The following SLC44A5 variants were observed in gnomAD, a reference collection of about 807,000 sequenced individuals.
SLC44A5 encodes the protein solute carrier family 44 member 5.
In SLC44A5, 57 loss-of-function variants were observed where a neutral mutation model predicts 101.8. That is an observed-to-expected ratio of 0.56 (90% CI 0.45 to 0.70). SLC44A5 has a LOEUF of 0.70. SLC44A5 is among the 30% of genes least tolerant of loss of function. The probability of loss-of-function intolerance (pLI) is 0.00; values close to 1 mark genes in which losing one functional copy is unlikely to be tolerated. For synonymous variants in SLC44A5, 281 were observed against 290.9 expected, an observed-to-expected ratio of 0.97 and a Z score of 0.35; for missense variants, 737 against 853.1, an observed-to-expected ratio of 0.86 and a Z score of 1.70.
At chr1:75,383,459 A>G (rs1570073312) in intron 3 of SLC44A5, among the ~76,000 whole-genome samples, 1 of 152,176 alleles carries the variant, frequency 6.6e-6, no homozygotes, top group Non-Finnish European at 1.5e-5. Context: ...CACCCCTACA[A>G]TGGAAGATGA....
At chr1:75,590,096 C>A (rs1332089430) in intron 1 of SLC44A5, among the ~76,000 whole-genome samples, 2 of 151,904 alleles carry the variant, frequency 1.3e-5, no homozygotes, top group African/African-American at 4.8e-5. Flanking sequence ...CTGGGGTAAC[C>A]AAGGGAGTGC....
intron 3 of SLC44A5, among the ~76,000 whole-genome samples, chr1:75,395,174 T>C (rs986929192): frequency 6.6e-6 from 1 of 152,098 alleles, no homozygotes; most frequent in Non-Finnish European, 1.5e-5. Flanking sequence ...GAGGGCTTTA[T>C]TTTAGGCCTA....
At chr1:75,598,280 T>G (rs773361107) in intron 1 of SLC44A5, among the ~76,000 whole-genome samples, 12 of 151,492 alleles carry the variant, frequency 7.9e-5, no homozygotes, top group Non-Finnish European at 1.3e-4. Flanking sequence ...AAAAAACAGA[T>G]GCTGGCAAGT....
At chr1:75,487,078 C>G (rs771541297) in intron 2 of SLC44A5, among the ~76,000 whole-genome samples, 3 of 152,108 alleles carry the variant, frequency 2.0e-5, no homozygotes, top group Non-Finnish European at 4.4e-5. Flanking sequence ...GTCTTGACAC[C>G]AGGATCATTC....
chr1:75,650,526 T>C, the SLC44A5 span, among the ~76,000 whole-genome samples: 1 of 152,214 alleles, frequency 6.6e-6, no homozygotes, highest in African/African-American at 2.4e-5. Context: ...TGGTGTAGAC[T>C]TCATCAATCT....
chr1:75,370,651 A>G (rs1004610553), intron 3 of SLC44A5, among the ~76,000 whole-genome samples: 9 of 152,212 alleles, frequency 5.9e-5, no homozygotes, highest in Admixed American at 3.9e-4. Context: ...TACTCAAAAC[A>G]TTCCACAAAA....
chr1:75,435,298 C>T (rs926543493), intron 2 of SLC44A5, among the ~76,000 whole-genome samples: 4 of 152,104 alleles, frequency 2.6e-5, no homozygotes, highest in African/African-American at 9.7e-5. Flanking sequence ...TACCTATTAA[C>T]TAAAATCTAC....
At chr1:75,407,889 C>T (rs1292911042) in intron 2 of SLC44A5, among the ~76,000 whole-genome samples, 4 of 152,192 alleles carry the variant, frequency 2.6e-5, no homozygotes, top group East Asian at 1.9e-4. Flanking sequence ...AGAGTTTCTG[C>T]ACAGCAAAAG....
intron 2 of SLC44A5, among the ~76,000 whole-genome samples, chr1:75,405,991 A>G (rs770609090): frequency 3.5e-4 from 54 of 152,216 alleles, no homozygotes; most frequent in Non-Finnish European, 7.2e-4. Flanking sequence ...AAAAAGAAAG[A>G]AGAATTAAAT....
At chr1:75,533,724 T>C (rs1244113939) in intron 2 of SLC44A5, among the ~76,000 whole-genome samples, 5 of 152,232 alleles carry the variant, frequency 3.3e-5, no homozygotes, top group African/African-American at 7.2e-5. Context: ...TTTACCTATC[T>C]GAATACACAC....
intron 6 of SLC44A5, among the ~76,000 whole-genome samples, chr1:75,261,708 C>T (rs922561158): frequency 2.0e-5 from 3 of 152,028 alleles, no homozygotes; most frequent in African/African-American, 4.8e-5. Flanking sequence ...CTGGCAGAGA[C>T]ACAACAACAG....
At chr1:75,445,542 TAC>T (rs1428542506) in intron 2 of SLC44A5, among the ~76,000 whole-genome samples, 1 of 148,456 alleles carries the variant, frequency 6.7e-6, no homozygotes, top group African/African-American at 2.5e-5. Flanking sequence ...ACGTAATATA[TAC>T]ATATATATGT....
At chr1:75,668,241 G>A in the SLC44A5 span, among the ~76,000 whole-genome samples, 1 of 148,968 alleles carries the variant, frequency 6.7e-6, no homozygotes, top group Non-Finnish European at 1.5e-5. Context: ...ATAAAAAATA[G>A]GTAACTATCA....
intron 10 of SLC44A5, among the ~76,000 whole-genome samples, chr1:75,238,182 C>A (rs1316481114): frequency 6.7e-6 from 1 of 148,272 alleles, no homozygotes; most frequent in Non-Finnish European, 1.5e-5. Context: ...TAAATCCCAG[C>A]TAGTCAGGAG....
the SLC44A5 span, among the ~76,000 whole-genome samples, chr1:75,709,071 T>C: frequency 2.6e-5 from 4 of 152,228 alleles, no homozygotes; most frequent in Non-Finnish European, 5.9e-5. Context: ...GCTATGATTT[T>C]GACCTCCCAA....
At chr1:75,226,748 G>A (rs1271462417) in intron 13 of SLC44A5, among the ~76,000 whole-genome samples, 1 of 151,964 alleles carries the variant, frequency 6.6e-6, no homozygotes, top group Non-Finnish European at 1.5e-5. Context: ...GCAACATGTA[G>A]TTAGAGATTA....
chr1:75,664,929 G>A, the SLC44A5 span, among the ~76,000 whole-genome samples: 4,648 of 126,452 alleles, frequency 0.037, no homozygotes, highest in East Asian at 0.18. Flanking sequence ...TCAAAAAAAA[G>A]AAAAAAAAAA....
At chr1:75,370,512 T>C (rs1026991353) in intron 3 of SLC44A5, among the ~76,000 whole-genome samples, 2 of 152,166 alleles carry the variant, frequency 1.3e-5, no homozygotes, top group African/African-American at 4.8e-5. Context: ...GCAATTTACA[T>C]AGGATAAGTA....
intron 1 of SLC44A5, among the ~76,000 whole-genome samples, chr1:75,543,977 A>T (rs1205928583): frequency 6.6e-6 from 1 of 152,102 alleles, no homozygotes; most frequent in Non-Finnish European, 1.5e-5. Flanking sequence ...CTTTATAAAG[A>T]CTTTTTATAT....
Sources: gnomAD v4.1 joint callset for allele counts (sites outside exome capture counted in the v4.1 genomes callset) on GRCh38, gnomAD v4.1.1 for gene constraint, MANE v1.5 for transcripts, NCBI Gene and HGNC (gene_info 2026-07-23, HGNC 2026-07-21) for gene names.